Variants in TRIQK observed in about 807,000 individuals in gnomAD.
TRIQK encodes triple QxxK/R motif-containing protein.
A neutral mutation model predicts 10.8 loss-of-function variants in TRIQK; 10 were observed. The ratio of observed to expected loss-of-function variants is 0.92; its 90% CI spans 0.57 to 1.57. TRIQK has a LOEUF of 1.57. TRIQK is among the 40% of genes most tolerant of loss of function. The pLI is 0.00. For synonymous variants in TRIQK, 33 were observed against 33.7 expected, an observed-to-expected ratio of 0.98 and a Z score of 0.07; for missense variants, 107 against 97.7, an observed-to-expected ratio of 1.09 and a Z score of -0.40.
At chr8:92,992,130 C>A (rs906152822) in intron 1 of TRIQK, among the ~76,000 whole-genome samples, 6 of 152,116 alleles carry the variant, frequency 3.9e-5, no homozygotes, top group African/African-American at 1.2e-4. Context: ...GGCACAGAGG[C>A]ATGAAACTCT....
intron 3 of TRIQK, among the ~76,000 whole-genome samples, chr8:92,893,178 T>C (rs1447787362): frequency 6.6e-6 from 1 of 151,960 alleles, no homozygotes; most frequent in Non-Finnish European, 1.5e-5. Flanking sequence ...CTCAAGTATA[T>C]CATAAAAATT....
intron 1 of TRIQK, among the ~76,000 whole-genome samples, chr8:92,979,771 A>G (rs1424362979): frequency 6.6e-6 from 1 of 152,058 alleles, no homozygotes; most frequent in Non-Finnish European, 1.5e-5. Flanking sequence ...CATTTGTGAA[A>G]AAGCTTGCAT....
chr8:92,942,923 G>T (rs557589335), intron 2 of TRIQK, among the ~76,000 whole-genome samples: 1 of 152,096 alleles, frequency 6.6e-6, no homozygotes, highest in African/African-American at 2.4e-5. Context: ...GAACTCCTGA[G>T]GTCAGGCAAT....
chr8:92,975,445 C>T (rs1403953833), intron 1 of TRIQK, among the ~76,000 whole-genome samples: 5 of 152,160 alleles, frequency 3.3e-5, no homozygotes, highest in Non-Finnish European at 1.5e-5. Context: ...AATTTGAACA[C>T]ATTATATACA....
At chr8:93,002,692 G>T (rs1470301670) in intron 1 of TRIQK, among the ~76,000 whole-genome samples, 1 of 152,098 alleles carries the variant, frequency 6.6e-6, no homozygotes, top group East Asian at 1.9e-4. Flanking sequence ...GACCGAGGTG[G>T]GCAGATCACC....
chr8:92,945,796 A>G (rs1811501181), intron 2 of TRIQK, among the ~76,000 whole-genome samples: 1 of 152,216 alleles, frequency 6.6e-6, no homozygotes, highest in Admixed American at 6.5e-5. Flanking sequence ...AATACAGTTA[A>G]TTATCAATTA....
chr8:92,929,308 G>A, intron 2 of TRIQK, among the ~76,000 whole-genome samples: 1 of 152,132 alleles, frequency 6.6e-6, no homozygotes, highest in Non-Finnish European at 1.5e-5. Flanking sequence ...AGTAGGTATG[G>A]GGTGGCTGAC....
At chr8:92,946,354 T>C (rs956812983) in intron 2 of TRIQK, among the ~76,000 whole-genome samples, 1 of 152,176 alleles carries the variant, frequency 6.6e-6, no homozygotes, top group African/African-American at 2.4e-5. Flanking sequence ...AAAACAAATC[T>C]TGCTGGAGAT....
At chr8:92,938,452 T>A (rs1157900084) in intron 2 of TRIQK, among the ~76,000 whole-genome samples, 1 of 152,176 alleles carries the variant, frequency 6.6e-6, no homozygotes, top group Non-Finnish European at 1.5e-5. Flanking sequence ...TTCACCAATT[T>A]AATTTTGATG....
At chr8:92,992,182 A>C (rs1429784206) in intron 1 of TRIQK, among the ~76,000 whole-genome samples, 2 of 152,052 alleles carry the variant, frequency 1.3e-5, no homozygotes, top group Non-Finnish European at 2.9e-5. Flanking sequence ...AAAGCAATCC[A>C]CTGCTGGGAG....
In TRIQK at chr8:92,918,782, C is replaced by G. The variant is rs115437132; in HGVS notation, c.-21-1772G>C. On this transcript the variant is annotated intron_variant, in intron 2 of 4. Transcript: ENST00000521988. ...CTGGGCTTTTGAGATCTTACCCCCC[C>G]CCACAATTTTTGCCAGACCAATGTC... Among the ~76,000 whole-genome samples, 1,074 of 151,212 alleles carry G rather than the reference C, an allele frequency of 7.1e-3. 11 individuals are homozygous for G. Among genetic ancestry groups the G allele is most frequent in the African/African-American group, 0.024 (1,009 of 41,260 alleles).
chr8:92,981,312 T>C (rs1361460804), intron 1 of TRIQK, among the ~76,000 whole-genome samples: 1 of 151,924 alleles, frequency 6.6e-6, no homozygotes, highest in Non-Finnish European at 1.5e-5. Flanking sequence ...TTTTGATCTC[T>C]CTTTTGTGCT....
chr8:92,920,613 C>T (rs1422117839), intron 2 of TRIQK, among the ~76,000 whole-genome samples: 3 of 151,352 alleles, frequency 2.0e-5, no homozygotes, highest in African/African-American at 7.3e-5. Context: ...TTTCAGATTA[C>T]TTCAAAGCAG....
At chr8:92,893,679 T>G (rs568287918) in intron 3 of TRIQK, among the ~76,000 whole-genome samples, 19 of 152,148 alleles carry the variant, frequency 1.2e-4, no homozygotes, top group Non-Finnish European at 2.4e-4. Flanking sequence ...TGCTGAGCTA[T>G]AAACAGTTCA....
At chr8:92,978,156 C>T (rs1812951547) in intron 1 of TRIQK, among the ~76,000 whole-genome samples, 3 of 152,108 alleles carry the variant, frequency 2.0e-5, no homozygotes, top group African/African-American at 7.2e-5. Context: ...ACACCTTTCC[C>T]TGTGAATTGT....
intron 2 of TRIQK, among the ~76,000 whole-genome samples, chr8:92,931,751 C>T (rs1810738329): frequency 6.6e-6 from 1 of 152,058 alleles, no homozygotes; most frequent in South Asian, 2.1e-4. Flanking sequence ...AAGAGGGCCC[C>T]ATTCATTACA....
chr8:92,900,869 T>C (rs1200604531), intron 3 of TRIQK, among the ~76,000 whole-genome samples: 1 of 152,162 alleles, frequency 6.6e-6, no homozygotes, highest in African/African-American at 2.4e-5. Flanking sequence ...TTCCAATCCA[T>C]GAACATGGAA....
At chr8:92,964,183 GGAA>G (rs1014559628) in intron 1 of TRIQK, among the ~76,000 whole-genome samples, 1 of 152,018 alleles carries the variant, frequency 6.6e-6, no homozygotes, top group African/African-American at 2.4e-5. Context: ...GAGGCACTGT[GGAA>G]GAAAGGCAAA....
intron 2 of TRIQK, among the ~76,000 whole-genome samples, chr8:92,938,475 T>C (rs996978799): frequency 6.6e-6 from 1 of 152,170 alleles, no homozygotes; most frequent in Non-Finnish European, 1.5e-5. Flanking sequence ...CTTTGGTGTC[T>C]GTGTGTCTAC....
Sources: allele counts gnomAD v4.1 joint callset (sites outside exome capture counted in the v4.1 genomes callset), GRCh38; gene constraint gnomAD v4.1.1; transcripts MANE v1.5; gene names NCBI Gene and HGNC (gene_info 2026-07-23, HGNC 2026-07-21).